SH3RF3: variants seen among roughly 807,000 people sequenced by gnomAD.
The protein encoded by SH3RF3 is SH3 domain containing ring finger 3.
In SH3RF3, 29 loss-of-function variants were observed where a neutral mutation model predicts 66.3. The observed-to-expected ratio is 0.44, with a 90% confidence interval of 0.33 to 0.60. The LOEUF is 0.60. Among genes scored for constraint, SH3RF3 ranks in the 20% least tolerant of loss-of-function variants. SH3RF3 has a pLI of 0.04. For missense variants in SH3RF3, 1,194 were observed against 1,190.9 expected, an observed-to-expected ratio of 1.00 and a Z score of -0.04; for synonymous variants, 583 against 532.0, an observed-to-expected ratio of 1.10 and a Z score of -1.32.
chr2:109,389,512 C>G (rs1026859252), intron 3 of SH3RF3, among the ~76,000 whole-genome samples: 2 of 152,140 alleles, frequency 1.3e-5, no homozygotes. Context: ...TATTCTATTC[C>G]GTTTCTTAAA....
Position 109,375,636 on chromosome 2 carries a change from C to G in SH3RF3, c.945+3955C>G, listed in dbSNP as rs372978107. On this transcript the variant is annotated intron_variant, in intron 3 of 9. Transcript: ENST00000309415. ...TGAGGAATTCCTCCTCCCCAGTGGG[C>G]CAGGGCAGAGTGAACTCACAGGAGG... 2.4e-4 allele frequency among the ~76,000 whole-genome samples: 36 copies of G among 152,362 alleles called. 1 individual carries two copies. The highest frequency in any genetic ancestry group is 2.0e-3 in the Admixed American group (30 of 15,306).
chr2:109,446,439 A>G (rs148697913), intron 7 of SH3RF3, among the ~76,000 whole-genome samples: 46 of 152,328 alleles, frequency 3.0e-4, no homozygotes, highest in African/African-American at 1.1e-3. Context: ...TCCAGCGAAC[A>G]TGTAAATTAC....
chr2:109,284,561 T>C (rs1326548645), intron 1 of SH3RF3, among the ~76,000 whole-genome samples: 1 of 152,210 alleles, frequency 6.6e-6, no homozygotes, highest in East Asian at 1.9e-4. Flanking sequence ...TTGAATTATG[T>C]GTGGAGCAGT....
intron 1 of SH3RF3, among the ~76,000 whole-genome samples, chr2:109,253,980 C>A (rs1373687274): frequency 1.3e-5 from 2 of 151,814 alleles, no homozygotes; most frequent in African/African-American, 4.8e-5. Flanking sequence ...GGGCCTGGCC[C>A]CTGAGATGTG....
chr2:109,191,036 C>T (rs2105022530), intron 1 of SH3RF3, among the ~76,000 whole-genome samples: 1 of 152,042 alleles, frequency 6.6e-6, no homozygotes, highest in African/African-American at 2.4e-5. Context: ...ATATTTCAGG[C>T]TTCTTGGGCC....
chr2:109,476,512 G>T (rs766994764), intron 8 of SH3RF3, among the ~76,000 whole-genome samples: 3 of 152,216 alleles, frequency 2.0e-5, no homozygotes, highest in Non-Finnish European at 2.9e-5. Context: ...TGGACCTTCA[G>T]GTGAAGCCTG....
intron 2 of SH3RF3, among the ~76,000 whole-genome samples, chr2:109,348,503 C>T (rs1682766620): frequency 6.6e-6 from 1 of 152,192 alleles, no homozygotes; most frequent in Non-Finnish European, 1.5e-5. Flanking sequence ...ATAGCACTGA[C>T]AGGTGAAATT....
intron 1 of SH3RF3, among the ~76,000 whole-genome samples, chr2:109,309,529 A>G (rs1681678656): frequency 7.7e-6 from 1 of 129,074 alleles, no homozygotes; most frequent in Non-Finnish European, 1.6e-5. Context: ...AATGGACTAA[A>G]TGCTCCAATT....
At chr2:109,219,814 T>C (rs535127534) in intron 1 of SH3RF3, among the ~76,000 whole-genome samples, 8 of 152,340 alleles carry the variant, frequency 5.3e-5, no homozygotes, top group Admixed American at 6.5e-5. Flanking sequence ...TGTTCATGGA[T>C]TGGAAGACTT....
At chr2:109,370,535 G>A (rs113567624) in intron 2 of SH3RF3, among the ~76,000 whole-genome samples, 19,739 of 152,080 alleles carry the variant, frequency 0.13, 1,435 homozygotes, top group Middle Eastern at 0.24. Flanking sequence ...CACCGCGCCC[G>A]GCCATCTGTC....
In SH3RF3 at chr2:109,347,666, G is replaced by C. The variant is rs1407055078; in HGVS notation, c.574-8G>C. 3 of 1,612,432 alleles carry C rather than the reference G, an allele frequency of 1.9e-6. No individual in the cohort carries two copies. The highest frequency in any genetic ancestry group is 2.5e-6 in the Non-Finnish European group (3 of 1,178,890). On this transcript the variant is annotated splice_region_variant and splice_polypyrimidine_tract_variant and intron_variant, in intron 1 of 9. Transcript: ENST00000309415. ...GCCCGGTGACCACATGCTGTCTGTT[G>C]CTTGCAGAATCCCTGCCTGCTTCCC...
chr2:109,266,378 A>G (rs888743688), intron 1 of SH3RF3, among the ~76,000 whole-genome samples: 1 of 151,834 alleles, frequency 6.6e-6, no homozygotes, highest in African/African-American at 2.4e-5. Context: ...ATCTGACAAG[A>G]GGCTGCCCCA....
At chr2:109,312,277 C>G (rs1191452137) in intron 1 of SH3RF3, among the ~76,000 whole-genome samples, 1 of 152,176 alleles carries the variant, frequency 6.6e-6, no homozygotes, top group South Asian at 2.1e-4. Flanking sequence ...GTCCTGCCCA[C>G]TTTTCTTGTG....
At chr2:109,202,875 T>G (rs17035137) in intron 1 of SH3RF3, among the ~76,000 whole-genome samples, 40,068 of 152,204 alleles carry the variant, frequency 0.26, 5,664 homozygotes, top group East Asian at 0.49. Flanking sequence ...AACAACTGCT[T>G]GGCTGATTAG....
At chr2:109,147,393 G>A (rs1004366309) in intron 1 of SH3RF3, among the ~76,000 whole-genome samples, 1 of 152,184 alleles carries the variant, frequency 6.6e-6, no homozygotes, top group Non-Finnish European at 1.5e-5. Context: ...CCAGATGAAA[G>A]ATAGTTGTTG....
chr2:109,292,273 A>G (rs1279913045), intron 1 of SH3RF3, among the ~76,000 whole-genome samples: 4 of 152,232 alleles, frequency 2.6e-5, no homozygotes, highest in Non-Finnish European at 5.9e-5. Flanking sequence ...ATAGGAAATA[A>G]AAGTTGCCCT....
chr2:109,202,226 A>G (rs1346239575), intron 1 of SH3RF3, among the ~76,000 whole-genome samples: 1 of 152,142 alleles, frequency 6.6e-6, no homozygotes, highest in Non-Finnish European at 1.5e-5. Flanking sequence ...TGTGGACTGC[A>G]GAGTGAGGAT....
chr2:109,325,943 A>G (rs559509606), intron 1 of SH3RF3, among the ~76,000 whole-genome samples: 1 of 152,366 alleles, frequency 6.6e-6, no homozygotes, highest in African/African-American at 2.4e-5. Flanking sequence ...TTTATTTTTA[A>G]TGATATTTTC....
At chr2:109,146,721 A>G (rs1677106655) in intron 1 of SH3RF3, among the ~76,000 whole-genome samples, 1 of 152,020 alleles carries the variant, frequency 6.6e-6, no homozygotes, top group Admixed American at 6.6e-5. Context: ...GGCCCCATAG[A>G]GTCTACATCT....
Sources: allele counts gnomAD v4.1 joint callset (sites outside exome capture counted in the v4.1 genomes callset), GRCh38; gene constraint gnomAD v4.1.1; transcripts MANE v1.5; gene names NCBI Gene and HGNC (gene_info 2026-07-23, HGNC 2026-07-21).